Variants in GALNT10 observed in about 807,000 individuals in gnomAD.
The protein encoded by GALNT10 is polypeptide N-acetylgalactosaminyltransferase 10.
A neutral mutation model predicts 75.0 loss-of-function variants in GALNT10; 41 were observed. That is an observed-to-expected ratio of 0.55 (90% CI 0.43 to 0.71). The LOEUF is 0.71. Among genes scored for constraint, GALNT10 ranks in the 30% least tolerant of loss-of-function variants. The pLI is 0.00. For missense variants in GALNT10, 727 were observed against 818.5 expected, an observed-to-expected ratio of 0.89 and a Z score of 1.36; for synonymous variants, 302 against 313.0, an observed-to-expected ratio of 0.96 and a Z score of 0.37.
chr5:154,285,932 C>T (rs559685131), intron 1 of GALNT10, among the ~76,000 whole-genome samples: 1 of 152,316 alleles, frequency 6.6e-6, no homozygotes, highest in South Asian at 2.1e-4. Context: ...GTTTGCTCAG[C>T]CACAGAATCT....
intron 3 of GALNT10, among the ~76,000 whole-genome samples, chr5:154,302,105 G>A (rs111662290): frequency 6.6e-6 from 1 of 152,352 alleles, no homozygotes; most frequent in African/African-American, 2.4e-5. Flanking sequence ...AAATGTGTGA[G>A]TAAATTAGAG....
At chr5:154,217,189 C>G (rs139781976) in intron 1 of GALNT10, among the ~76,000 whole-genome samples, 456 of 152,246 alleles carry the variant, frequency 3.0e-3, no homozygotes, top group African/African-American at 0.01. Context: ...ATCTCTTTTC[C>G]ACCCTCTCCG....
intron 9 of GALNT10, among the ~76,000 whole-genome samples, chr5:154,411,275 C>A (rs551790332): frequency 3.2e-4 from 48 of 152,340 alleles, no homozygotes; most frequent in Admixed American, 5.9e-4. Context: ...AACTCATGTT[C>A]CTTTTGTGTT....
At chr5:154,337,513 C>A in intron 4 of GALNT10, 1 of 737,654 alleles carries the variant, frequency 1.4e-6, no homozygotes, top group South Asian at 1.4e-5. Flanking sequence ...CTAGAACTGC[C>A]ATAGGCACCT....
intron 4 of GALNT10, among the ~76,000 whole-genome samples, chr5:154,351,534 C>G (rs1208129497): frequency 6.6e-6 from 1 of 152,196 alleles, no homozygotes; most frequent in Non-Finnish European, 1.5e-5. Context: ...AAATATCCAA[C>G]ATAGTAAACA....
intron 7 of GALNT10, among the ~76,000 whole-genome samples, chr5:154,393,918 G>A (rs918237521): frequency 6.6e-6 from 1 of 152,162 alleles, no homozygotes; most frequent in Non-Finnish European, 1.5e-5. Context: ...ATACATTCCA[G>A]CACATTGTTG....
chr5:154,308,227 G>A (rs936436202), intron 3 of GALNT10, among the ~76,000 whole-genome samples: 6 of 151,740 alleles, frequency 4.0e-5, no homozygotes, highest in Admixed American at 6.6e-5. Context: ...CAACCATTGC[G>A]GCATTCAAAA....
intron 3 of GALNT10, among the ~76,000 whole-genome samples, chr5:154,306,550 G>A (rs1204155612): frequency 1.3e-5 from 2 of 152,094 alleles, no homozygotes; most frequent in Non-Finnish European, 1.5e-5. Context: ...GAAATTTGTA[G>A]CATTAATGCC....
At chr5:154,242,112 A>G (rs1753345054) in intron 1 of GALNT10, among the ~76,000 whole-genome samples, 1 of 152,192 alleles carries the variant, frequency 6.6e-6, no homozygotes, top group African/African-American at 2.4e-5. Context: ...AGATTAGAAA[A>G]TGGAATCTCA....
chr5:154,338,384 A>G (rs1200179385), intron 4 of GALNT10: 1 of 435,542 alleles, frequency 2.3e-6, no homozygotes, highest in East Asian at 4.8e-5. Flanking sequence ...CAGTTGTTTC[A>G]AAGCTCAACC....
intron 4 of GALNT10, 150 bp downstream of exon 4, chr5:154,329,888 A>G (rs1754819529): frequency 2.1e-6 from 1 of 471,052 alleles, no homozygotes; most frequent in South Asian, 4.1e-5. Flanking sequence ...ACATTTTCTC[A>G]TTTAATCTTC....
Position 154,376,389 on chromosome 5 carries a change from G to A in GALNT10, c.681G>A (p.Val227=). Reference sequence around the variant, plus strand: ...GGACCCGAATGCTGGGGGCCTCAGTGGCAACTGGGGATGTCATCACATTCT... The same window carrying A: ...GGACCCGAATGCTGGGGGCCTCAGTAGCAACTGGGGATGTCATCACATTCT... ...LIRTRMLGAS[V]ATGDVITFLD... is the part of the protein sequence containing the mutation. The change falls in exon 5 of 12, where the codon GTG becomes GTA. Residue 227 remains valine, a synonymous_variant. Transcript: ENST00000297107. The surrounding 1 kb of genome is among the most constrained non-coding windows in gnomAD (Gnocchi z 4.1). 1 of 1,607,610 alleles carries A rather than the reference G, an allele frequency of 6.2e-7. No individual in the cohort carries two copies. Among genetic ancestry groups the A allele is most frequent in the Non-Finnish European group, 8.5e-7 (1 of 1,177,618 alleles).
intron 4 of GALNT10, among the ~76,000 whole-genome samples, chr5:154,357,030 T>G (rs1755306684): frequency 6.6e-6 from 1 of 152,224 alleles, no homozygotes; most frequent in Non-Finnish European, 1.5e-5. Flanking sequence ...TGATTAGTAT[T>G]TCTTAGATAC....
In GALNT10 at chr5:154,409,894, C is replaced by T. The variant is rs1020894080; in HGVS notation, c.1386+132C>T. 1.4e-5 allele frequency: 9 copies of T among 656,826 alleles called. No homozygotes were observed. Among genetic ancestry groups the T allele is most frequent in the East Asian group, 5.2e-5 (2 of 38,186 alleles). The allele number at this position is 656,826 out of a possible 1,614,324, so 40.7% of individuals were successfully genotyped here. A position where few individuals can be genotyped will look rare whatever the true frequency, so the allele number is the denominator to read the frequency against. Reference sequence around the variant, plus strand: ...GAATATAAAATCGTTTCCTTTCTTTCCTGGTCTCTCTCTAGCCTTGTCATG... The same window carrying T: ...GAATATAAAATCGTTTCCTTTCTTTTCTGGTCTCTCTCTAGCCTTGTCATG... On this transcript the variant is annotated intron_variant, in intron 9 of 11. Coordinates refer to ENST00000297107, the MANE Select transcript of GALNT10 (RefSeq NM_198321.4). This position sits in a 1 kb window ranked among gnomAD's most constrained non-coding sequence, Gnocchi z 4.5.
chr5:154,263,175 G>A (rs1219279930), intron 1 of GALNT10, among the ~76,000 whole-genome samples: 2 of 152,096 alleles, frequency 1.3e-5, no homozygotes. Context: ...GGAAACAGAT[G>A]GCCACAGAAA....
intron 4 of GALNT10, among the ~76,000 whole-genome samples, chr5:154,374,800 G>A (rs1256684263): frequency 6.6e-6 from 1 of 152,212 alleles, no homozygotes; most frequent in African/African-American, 2.4e-5. Flanking sequence ...GTTTTCCACA[G>A]CTCCCTCCTT....
Position 154,190,803 on chromosome 5 carries a change from G to A in GALNT10, c.-64G>A, listed in dbSNP as rs555777901. On this transcript the variant is annotated 5_prime_UTR_variant, in exon 1 of 12. Coordinates refer to ENST00000297107, the MANE Select transcript of GALNT10 (RefSeq NM_198321.4). ...TGCTGCCGCCGCCGGGCGGACGGGC[G>A]GACGCGCGGAGCTGGGGGCGGCGCG... 3.8e-5 allele frequency: 34 copies of A among 892,986 alleles called. No individual in the cohort carries two copies. The South Asian group carries it at 1.5e-3, about 41-fold the overall frequency. The allele number at this position is 892,986 out of a possible 1,614,324, so 55.3% of individuals were successfully genotyped here.
chr5:154,361,356 G>A (rs1348791026), intron 4 of GALNT10, among the ~76,000 whole-genome samples: 2 of 152,102 alleles, frequency 1.3e-5, no homozygotes, highest in Non-Finnish European at 2.9e-5. Flanking sequence ...TCCAAACCTC[G>A]ATTTTCTCAT....
intron 1 of GALNT10, among the ~76,000 whole-genome samples, chr5:154,195,263 C>G (rs1345077827): frequency 1.3e-5 from 2 of 152,244 alleles, no homozygotes; most frequent in Non-Finnish European, 2.9e-5. Context: ...GCTAAATGCT[C>G]CTGACGGTGT....
Sources: allele counts gnomAD v4.1 joint callset (sites outside exome capture counted in the v4.1 genomes callset), GRCh38; gene constraint gnomAD v4.1.1; non-coding constraint Gnocchi (gnomAD v3.1); transcripts MANE v1.5; gene names NCBI Gene and HGNC (gene_info 2026-07-23, HGNC 2026-07-21).